The following IL16 variants were observed in gnomAD, a reference collection of about 807,000 sequenced individuals.
IL16 encodes the protein interleukin 16.
Under a neutral mutation model 110.1 loss-of-function variants are expected in IL16, and 67 were observed. The observed-to-expected ratio is 0.61, with a 90% CI of 0.50 to 0.75. IL16 has a LOEUF of 0.75. IL16 is among the 30% of genes least tolerant of loss of function. IL16 has a pLI of 0.00. For missense variants in IL16, 1,545 were observed against 1,655.0 expected, an observed-to-expected ratio of 0.93 and a Z score of 1.15; for synonymous variants, 689 against 662.9, an observed-to-expected ratio of 1.04 and a Z score of -0.61.
Position 81,313,088 on chromosome 15 carries a change from G to A in IL16, c.*4290G>A. The A allele has an allele frequency of 2.7e-6, 2 of 730,192 alleles. No homozygotes were observed. Among genetic ancestry groups the A allele is most frequent in the Non-Finnish European group, 4.0e-6 (2 of 497,364 alleles). 45.2% of individuals were successfully genotyped at this position (730,192 alleles called of 1,614,324 possible). ...CAACCCTGAGTGGGGCAGGAGGCAG[G>A]AAGGGTGGGCTGCCGCCTCTGGTTG... On this transcript the variant is annotated 3_prime_UTR_variant, in exon 19 of 19. Transcript: ENST00000683961.
At position 81,300,038 on chromosome 15, in the gene IL16, G is replaced by A. The variant is rs2141610327; in HGVS notation, c.2712G>A (p.Leu904=). The A allele has an allele frequency of 6.4e-7, 1 of 1,569,226 alleles. No individual in the cohort carries two copies. Among genetic ancestry groups the A allele is most frequent in the East Asian group, 2.2e-5 (1 of 44,566 alleles). ...TLVPQQPEQV[L]SSGSPAASEA... is the part of the protein sequence containing the mutation. ...TGCCCCAGCAGCCTGAGCAAGTACT[G>A]TCCTCGGGGTCCCCTGCAGCCTCCG... The change falls in exon 14 of 19, where the codon CTG becomes CTA. Residue 904 remains leucine, a synonymous_variant. Transcript: ENST00000683961.
intron 2 of IL16, among the ~76,000 whole-genome samples, chr15:81,259,030 C>T (rs1898057157): frequency 6.6e-6 from 1 of 151,940 alleles, no homozygotes; most frequent in African/African-American, 2.4e-5. Flanking sequence ...AATAAATTAA[C>T]ATATATATAT....
At chr15:81,293,872 T>C (rs927272830) in intron 12 of IL16, among the ~76,000 whole-genome samples, 3 of 152,144 alleles carry the variant, frequency 2.0e-5, no homozygotes, top group Non-Finnish European at 4.4e-5. Context: ...GTCAATTAAA[T>C]CTTACAACCA....
chr15:81,278,732 G>A (rs1899026957), intron 6 of IL16, 85 bp from the exon 7 acceptor site: 2 of 903,476 alleles, frequency 2.2e-6, no homozygotes, highest in Non-Finnish European at 3.7e-6. Flanking sequence ...AAGCCGGGCA[G>A]TTGGGGAGAC....
chr15:81,226,249 C>G (rs1896784617), intron 2 of IL16, among the ~76,000 whole-genome samples: 1 of 150,802 alleles, frequency 6.6e-6, no homozygotes, highest in Non-Finnish European at 1.5e-5. Flanking sequence ...GTGGAGCCAT[C>G]AATAGGGGAG....
At chr15:81,186,689 G>C (rs1895424241) in intron 1 of IL16, among the ~76,000 whole-genome samples, 1 of 152,136 alleles carries the variant, frequency 6.6e-6, no homozygotes, top group African/African-American at 2.4e-5. Flanking sequence ...ATGGAAAAGA[G>C]GAAAGAATTG....
chr15:81,247,633 T>C (rs1274805904), intron 2 of IL16, among the ~76,000 whole-genome samples: 2 of 152,074 alleles, frequency 1.3e-5, no homozygotes, highest in Non-Finnish European at 2.9e-5. Flanking sequence ...AACCACAAAT[T>C]TGACATTGCT....
chr15:81,301,261 C>A (rs996706374), intron 14 of IL16, 83 bp from the exon 15 acceptor site: 2 of 1,285,116 alleles, frequency 1.6e-6, no homozygotes, highest in East Asian at 4.8e-5. Context: ...TGGCACCACA[C>A]CTGGGACATA....
intron 1 of IL16, among the ~76,000 whole-genome samples, chr15:81,208,313 A>AT (rs1393408649): frequency 3.9e-5 from 6 of 152,036 alleles, no homozygotes; most frequent in Non-Finnish European, 7.4e-5. Context: ...ATTTTCTCTC[A>AT]TTCTGTAGGT....
chr15:81,268,389 A>G (rs1016021034), intron 4 of IL16, among the ~76,000 whole-genome samples: 1 of 152,240 alleles, frequency 6.6e-6, no homozygotes, highest in Non-Finnish European at 1.5e-5. Context: ...GTTAATATCC[A>G]CCTTTGACAG....
chr15:81,243,143 G>GTATATATATATATATATATATATATA (rs1275444035), intron 2 of IL16, among the ~76,000 whole-genome samples: 41 of 47,234 alleles, frequency 8.7e-4, no homozygotes, highest in African/African-American at 9.7e-4. Flanking sequence ...AGCTATATAA[G>GTATATATATATATATATATATATATA]TATATATATA....
At chr15:81,256,660 T>A (rs1897958612) in intron 2 of IL16, among the ~76,000 whole-genome samples, 1 of 152,116 alleles carries the variant, frequency 6.6e-6, no homozygotes, top group Non-Finnish European at 1.5e-5. Context: ...TTTTTAAAGG[T>A]GCTTAGTATT....
intron 18 of IL16, among the ~76,000 whole-genome samples, chr15:81,308,370 G>A (rs1031275220): frequency 1.3e-5 from 2 of 152,152 alleles, no homozygotes; most frequent in African/African-American, 4.8e-5. Context: ...CCTCCCCTGG[G>A]GACAGCAAGG....
At chr15:81,308,542 G>C in intron 18 of IL16, 63 bp from the exon 19 acceptor site, 1 of 1,248,032 alleles carries the variant, frequency 8.0e-7, no homozygotes, top group Non-Finnish European at 1.1e-6. Context: ...AGATCAAGGA[G>C]AGGAGGCAAC....
intron 2 of IL16, among the ~76,000 whole-genome samples, chr15:81,227,531 A>G (rs1447930034): frequency 1.3e-5 from 2 of 152,156 alleles, no homozygotes; most frequent in East Asian, 3.9e-4. Flanking sequence ...GGAGACCGGT[A>G]TGCCTGGGGT....
intron 16 of IL16, among the ~76,000 whole-genome samples, chr15:81,305,479 C>G (rs781719533): frequency 6.6e-6 from 1 of 152,128 alleles, no homozygotes; most frequent in Non-Finnish European, 1.5e-5. Context: ...TCCTGGGCAA[C>G]ACTGGGAGAC....
chr15:81,249,453 G>T (rs1232709840), intron 2 of IL16, among the ~76,000 whole-genome samples: 1 of 151,330 alleles, frequency 6.6e-6, no homozygotes, highest in African/African-American at 2.4e-5. Context: ...ACTCATTTTT[G>T]AAGATATTTT....
In IL16 at chr15:81,225,306, T is replaced by A; in HGVS notation, c.-94T>A. ...ATTTCCTCTTTCCTCTAGGGACTCATGAAGTGGCAGCTAAGCCCTGTCCAG... is the reference window on the plus strand; with the variant it reads ...ATTTCCTCTTTCCTCTAGGGACTCAAGAAGTGGCAGCTAAGCCCTGTCCAG... On this transcript the variant is annotated 5_prime_UTR_variant, in exon 2 of 19. The change abolishes an upstream ATG in the 5' untranslated region. Coordinates refer to ENST00000683961, the MANE Select transcript of IL16 (RefSeq NM_172217.5). 4 of 1,539,756 alleles carry A rather than the reference T, an allele frequency of 2.6e-6. No homozygotes were observed. Among genetic ancestry groups the A allele is most frequent in the Non-Finnish European group, 8.7e-7 (1 of 1,147,286 alleles).
chr15:81,200,461 G>A (rs370024845), intron 1 of IL16, among the ~76,000 whole-genome samples: 17 of 152,062 alleles, frequency 1.1e-4, no homozygotes, highest in Middle Eastern at 3.4e-3. Flanking sequence ...CCTTGACTCC[G>A]TGAGCTCAGG....
Sources: allele counts gnomAD v4.1 joint callset (sites outside exome capture counted in the v4.1 genomes callset), GRCh38; gene constraint gnomAD v4.1.1; transcripts MANE v1.5; gene names NCBI Gene and HGNC (gene_info 2026-07-23, HGNC 2026-07-21).